Variants in CREB5 observed in about 807,000 individuals in gnomAD.
The protein encoded by CREB5 is cyclic AMP-responsive element-binding protein 5.
A neutral mutation model predicts 57.1 loss-of-function variants in CREB5; 19 were observed. The ratio of observed to expected loss-of-function variants is 0.33; its 90% confidence interval spans 0.23 to 0.49. The LOEUF (loss-of-function observed/expected upper bound fraction) is 0.49, where lower values mean the gene tolerates loss of function less well. Ranked by LOEUF, CREB5 falls within the 20% of genes least tolerant of loss-of-function variation. The pLI, the probability that CREB5 is intolerant of heterozygous loss-of-function variation, is 0.99. For missense variants in CREB5, 579 were observed against 671.6 expected (o/e 0.86, Z 1.52); for synonymous variants, 238 against 238.3 (o/e 1.00, Z 0.01).
chr7:28,676,356 C>T lies in CREB5; in HGVS notation c.465-42397C>T, dbSNP rs149358492. On this transcript the variant is annotated intron_variant, in intron 5 of 10. Transcript: ENST00000357727. ...TCTGTCTCCGTGGCTGCTTCTGTGG[C>T]GCTATGACAGTATTAATATGACAAA... 1.8e-4 allele frequency among the ~76,000 whole-genome samples: 28 copies of T among 152,226 alleles called. No individual in the cohort carries two copies. The East Asian group carries it at 2.5e-3, about 14-fold the overall frequency.
In CREB5 at chr7:28,488,210, G is replaced by A. The variant is rs1791652363; in HGVS notation, c.39G>A (p.Glu13=). ...YEESKMNLEQ[E]RPFVCSAPGC... is the part of the protein sequence containing the mutation. ...AATCCAAGATGAATTTGGAGCAGGA[G>A]AGGCCGTTTGTCTGCAGTGCCCCAG... The change falls in exon 2 of 11, where the codon GAG becomes GAA. Residue 13 remains glutamate, a synonymous_variant. Coordinates refer to ENST00000357727, the MANE Select transcript of CREB5 (RefSeq NM_182898.4). 2 of 1,613,950 alleles carry A rather than the reference G, an allele frequency of 1.2e-6. No individual in the cohort carries two copies. Among genetic ancestry groups the A allele is most frequent in the Non-Finnish European group, 1.7e-6 (2 of 1,179,900 alleles).
intron 5 of CREB5, among the ~76,000 whole-genome samples, chr7:28,658,963 A>ATATATATATATATATG (rs1554281590): frequency 2.9e-4 from 34 of 116,956 alleles, no homozygotes; most frequent in Non-Finnish European, 5.3e-4. Context: ...GTATATATAT[A>ATATATATATATATATG]TATATATATA....
At chr7:28,357,802 T>C (rs1331401073) in intron 1 of CREB5, among the ~76,000 whole-genome samples, 6 of 152,184 alleles carry the variant, frequency 3.9e-5, no homozygotes, top group Non-Finnish European at 7.3e-5. Context: ...TTAGTACCAC[T>C]CTACACAAGT....
intron 5 of CREB5, among the ~76,000 whole-genome samples, chr7:28,664,255 G>T (rs1484324758): frequency 6.6e-6 from 1 of 152,130 alleles, no homozygotes; most frequent in Non-Finnish European, 1.5e-5. Flanking sequence ...TAACATTCTT[G>T]TCTTCTAGCT....
intron 5 of CREB5, among the ~76,000 whole-genome samples, chr7:28,655,812 T>C (rs1799311992): frequency 6.6e-6 from 1 of 152,314 alleles, no homozygotes; most frequent in South Asian, 2.1e-4. Flanking sequence ...GAACACATTT[T>C]GGAATTTTTG....
At chr7:28,585,903 C>T (rs1418800377) in intron 5 of CREB5, among the ~76,000 whole-genome samples, 1 of 152,188 alleles carries the variant, frequency 6.6e-6, no homozygotes, top group Admixed American at 6.5e-5. Context: ...AAATTTAATA[C>T]TTTCAGTCAG....
At chr7:28,450,626 C>A (rs1171154526) in intron 1 of CREB5, among the ~76,000 whole-genome samples, 1 of 152,200 alleles carries the variant, frequency 6.6e-6, no homozygotes, top group Non-Finnish European at 1.5e-5. Context: ...TGGCTGGATC[C>A]TCCACCTGTC....
chr7:28,750,423 T>C (rs1804915981), intron 7 of CREB5, among the ~76,000 whole-genome samples: 1 of 152,212 alleles, frequency 6.6e-6, no homozygotes, highest in Admixed American at 6.5e-5. Flanking sequence ...GCATATAGAA[T>C]GGAGTTGTCT....
intron 4 of CREB5, among the ~76,000 whole-genome samples, chr7:28,528,256 A>G (rs1276984407): frequency 6.6e-6 from 1 of 152,194 alleles, no homozygotes; most frequent in African/African-American, 2.4e-5. Flanking sequence ...TTCCTGACAT[A>G]GGCTATCACT....
intron 1 of CREB5, among the ~76,000 whole-genome samples, chr7:28,400,806 C>A (rs1209064877): frequency 6.6e-6 from 1 of 152,172 alleles, no homozygotes; most frequent in Non-Finnish European, 1.5e-5. Flanking sequence ...ATAACCTTCC[C>A]CATCGGCAGT....
intron 7 of CREB5, among the ~76,000 whole-genome samples, chr7:28,756,557 C>CAA (rs34257489): frequency 0.24 from 33,908 of 140,456 alleles, 4,842 homozygotes; most frequent in Non-Finnish European, 0.34. Flanking sequence ...ATTCCATCTC[C>CAA]AAAAAAAAAA....
rs542049326 is a variant in CREB5, at chr7:28,697,074, TTATA to T, written c.465-21674_465-21671del. Among the ~76,000 whole-genome samples, 109 of 151,314 alleles carry T rather than the reference TTATA, an allele frequency of 7.2e-4. 1 individual carries two copies. The highest frequency in any genetic ancestry group is 1.5e-3 in the South Asian group (7 of 4,802). On this transcript the variant is annotated intron_variant, in intron 5 of 10. Coordinates refer to ENST00000357727, the MANE Select transcript of CREB5 (RefSeq NM_182898.4). ...GTGTATAATATGCACACATACATAT[TTATA>T]TATACACACACACAATTTTTATGGA...
intron 4 of CREB5, among the ~76,000 whole-genome samples, chr7:28,568,762 G>A (rs1467017640): frequency 6.6e-6 from 1 of 152,170 alleles, no homozygotes; most frequent in Non-Finnish European, 1.5e-5. Context: ...AAACTGTGTG[G>A]TCAGGATTTA....
intron 7 of CREB5, among the ~76,000 whole-genome samples, chr7:28,785,520 G>GT (rs1807270182): frequency 1.3e-5 from 2 of 152,118 alleles, no homozygotes; most frequent in Admixed American, 6.5e-5. Flanking sequence ...TGTTCTTTTT[G>GT]TTTTTTCCAG....
chr7:28,388,659 A>G (rs1787156312), intron 1 of CREB5, among the ~76,000 whole-genome samples: 1 of 152,188 alleles, frequency 6.6e-6, no homozygotes, highest in African/African-American at 2.4e-5. Context: ...CTAAGGCGCA[A>G]AAAAATTAGT....
chr7:28,817,342 C>T (rs1251461804), intron 9 of CREB5, among the ~76,000 whole-genome samples: 1 of 152,138 alleles, frequency 6.6e-6, no homozygotes, highest in Non-Finnish European at 1.5e-5. Flanking sequence ...GTGCTCTGCT[C>T]AACAGTATCC....
intron 4 of CREB5, among the ~76,000 whole-genome samples, chr7:28,563,467 A>G (rs946455970): frequency 4.6e-5 from 7 of 152,160 alleles, no homozygotes; most frequent in African/African-American, 1.7e-4. Context: ...TTTTTCTTTT[A>G]TACTATGGTA....
At chr7:28,522,431 C>T (rs1237875577) in intron 4 of CREB5, among the ~76,000 whole-genome samples, 3 of 144,606 alleles carry the variant, frequency 2.1e-5, no homozygotes, top group Middle Eastern at 3.8e-3. Context: ...AGTCTCACTC[C>T]GTCGCCCAGC....
intron 7 of CREB5, among the ~76,000 whole-genome samples, chr7:28,738,703 C>G (rs1804173289): frequency 6.6e-6 from 1 of 152,140 alleles, no homozygotes. Flanking sequence ...GAAGGCAGGG[C>G]CTGAGCTTGT....
Sources: gnomAD v4.1 joint callset for allele counts (sites outside exome capture counted in the v4.1 genomes callset) on GRCh38, gnomAD v4.1.1 for gene constraint, MANE v1.5 for transcripts, NCBI Gene and HGNC (gene_info 2026-07-23, HGNC 2026-07-21) for gene names.